Variants in MCM5 observed in about 807,000 individuals in gnomAD.
MCM5 encodes DNA replication licensing factor MCM5.
MCM5 carries 46 observed loss-of-function variants against 79.9 expected under a neutral mutation model. The observed-to-expected ratio is 0.58, with a 90% confidence interval of 0.45 to 0.74. MCM5 has a LOEUF of 0.74. MCM5 is among the 30% of genes least tolerant of loss of function. The pLI is 0.00. For synonymous variants in MCM5, 404 were observed against 390.5 expected, an observed-to-expected ratio of 1.03 and a Z score of -0.41; for missense variants, 883 against 1,017.0, an observed-to-expected ratio of 0.87 and a Z score of 1.79.
the MCM5 span, among the ~76,000 whole-genome samples, chr22:35,438,247 T>C: frequency 1.9e-5 from 1 of 52,652 alleles, no homozygotes; most frequent in Admixed American, 1.7e-4. Context: ...ACCCACATAT[T>C]CATCCACCCA....
chr22:35,402,789 C>A (rs573916695), intron 2 of MCM5, among the ~76,000 whole-genome samples: 2 of 152,302 alleles, frequency 1.3e-5, no homozygotes, highest in South Asian at 4.1e-4. Flanking sequence ...AGTAATCCAC[C>A]CTCCTCAGCT....
chr22:35,428,606 C>T (rs1932792482), downstream of MCM5, among the ~76,000 whole-genome samples: 1 of 151,948 alleles, frequency 6.6e-6, no homozygotes, highest in Non-Finnish European at 1.5e-5. Context: ...GTATGTAAAC[C>T]TACACACATT....
At chr22:35,437,714 A>G in the MCM5 span, among the ~76,000 whole-genome samples, 1 of 152,188 alleles carries the variant, frequency 6.6e-6, no homozygotes, top group Non-Finnish European at 1.5e-5. Flanking sequence ...GTCACAACTG[A>G]GGCCCTGGGG....
chr22:35,446,713 A>G, the MCM5 span, among the ~76,000 whole-genome samples: 1 of 152,002 alleles, frequency 6.6e-6, no homozygotes, highest in Non-Finnish European at 1.5e-5. Flanking sequence ...TGCCCGCAGA[A>G]TTTTCCAGAT....
chr22:35,428,614 A>G (rs1932792537), downstream of MCM5, among the ~76,000 whole-genome samples: 1 of 152,098 alleles, frequency 6.6e-6, no homozygotes, highest in Admixed American at 6.5e-5. Context: ...ACCTACACAC[A>G]TTGGCTTGCT....
the MCM5 span, among the ~76,000 whole-genome samples, chr22:35,451,391 T>C: frequency 6.6e-6 from 1 of 152,252 alleles, no homozygotes; most frequent in Admixed American, 6.5e-5. Context: ...ATCGGCCCCC[T>C]TGCCAGGCGG....
the MCM5 span, among the ~76,000 whole-genome samples, chr22:35,444,248 A>T: frequency 6.7e-6 from 1 of 148,330 alleles, no homozygotes; most frequent in Non-Finnish European, 1.5e-5. Context: ...GGAAGTGGGG[A>T]GGAATTAATG....
chr22:35,431,348 C>T, the MCM5 span, among the ~76,000 whole-genome samples: 2 of 152,180 alleles, frequency 1.3e-5, no homozygotes, highest in Non-Finnish European at 2.9e-5. Flanking sequence ...GATGCCCAAC[C>T]CCCGAATCTT....
Position 35,406,703 on chromosome 22 carries a change from G to A in MCM5, c.574G>A (p.Ala192Thr), listed in dbSNP as rs772409186. ...IAMRPGLEGY[A>T]LPRKCNTDQA... ...CATGCGCCCTGGCCTCGAGGGCTAT[G>A]CCCTGCCCAGGAAGTGCAACACGTG... The change falls in exon 5 of 17, where the codon GCC becomes ACC. Residue 192 changes from alanine (A) to threonine (T), a missense_variant. Ala to Thr is a moderately conservative substitution (Grantham distance 58). Coordinates refer to ENST00000216122, the MANE Select transcript of MCM5 (RefSeq NM_006739.4). 9 of 1,608,914 alleles carry A rather than the reference G, an allele frequency of 5.6e-6. No homozygotes were observed. The Admixed American group carries it at 1.5e-4, about 27-fold the overall frequency.
chr22:35,419,454 G>T (rs1209982244), intron 13 of MCM5, among the ~76,000 whole-genome samples: 1 of 152,178 alleles, frequency 6.6e-6, no homozygotes, highest in Non-Finnish European at 1.5e-5. Context: ...TCATCAGCTT[G>T]TCGTGTCTTC....
chr22:35,424,129 G>C, intron 16 of MCM5, 25 bp from the exon 17 acceptor site: 1 of 1,505,090 alleles, frequency 6.6e-7, no homozygotes, highest in Non-Finnish European at 9.0e-7. Flanking sequence ...AGCACGTGCC[G>C]TTAGCCAGCC....
At chr22:35,450,873 G>C in the MCM5 span, among the ~76,000 whole-genome samples, 2 of 152,208 alleles carry the variant, frequency 1.3e-5, no homozygotes, top group African/African-American at 4.8e-5. Context: ...ATGTCAGAGG[G>C]CTGTGTGTGT....
downstream of MCM5, among the ~76,000 whole-genome samples, chr22:35,429,605 T>C (rs1423111838): frequency 6.6e-6 from 1 of 151,770 alleles, no homozygotes; most frequent in African/African-American, 2.4e-5. Flanking sequence ...CTTGCTCTCT[T>C]GGCTCACTGC....
the MCM5 span, among the ~76,000 whole-genome samples, chr22:35,443,796 C>G: frequency 9.8e-4 from 150 of 152,310 alleles, 1 homozygote; most frequent in Admixed American, 2.0e-3. Flanking sequence ...GCCTCCCGCA[C>G]TGCATGTGAA....
the MCM5 span, among the ~76,000 whole-genome samples, chr22:35,451,329 T>C: frequency 6.6e-6 from 1 of 152,352 alleles, no homozygotes; most frequent in South Asian, 2.1e-4. Context: ...AACATTTAAG[T>C]CAAACTTTGC....
chr22:35,400,243 C>T, intron 1 of MCM5, 35 bp downstream of exon 1: 1 of 617,664 alleles, frequency 1.6e-6, no homozygotes, highest in Non-Finnish European at 2.9e-6. Context: ...GGACTGGGAG[C>T]CAGCAGGCAT....
downstream of MCM5, among the ~76,000 whole-genome samples, chr22:35,426,639 G>T (rs1029489632): frequency 2.0e-5 from 3 of 152,204 alleles, no homozygotes; most frequent in Non-Finnish European, 2.9e-5. Flanking sequence ...CAGTACAGTA[G>T]CCCTTTCACC....
chr22:35,446,691 C>G, the MCM5 span, among the ~76,000 whole-genome samples: 1 of 152,248 alleles, frequency 6.6e-6, no homozygotes, highest in South Asian at 2.1e-4. Context: ...GAATGGAAGC[C>G]TCCCTCAACT....
intron 4 of MCM5, among the ~76,000 whole-genome samples, chr22:35,405,491 C>T (rs1188739809): frequency 1.3e-5 from 2 of 151,758 alleles, no homozygotes; most frequent in Admixed American, 1.3e-4. Flanking sequence ...CTCAGCCTCC[C>T]GAGTAGCTGG....
Sources: gnomAD v4.1 joint callset for allele counts (sites outside exome capture counted in the v4.1 genomes callset) on GRCh38, gnomAD v4.1.1 for gene constraint, MANE v1.5 for transcripts, NCBI Gene and HGNC (gene_info 2026-07-23, HGNC 2026-07-21) for gene names.